QKI: variants seen among roughly 807,000 people sequenced by gnomAD.
The protein encoded by QKI is QKI, KH domain containing RNA binding, also known as KH domain-containing RNA-binding protein QKI.
QKI carries 10 observed loss-of-function variants against 39.0 expected under a neutral mutation model. That is an observed-to-expected ratio of 0.26 (90% CI 0.16 to 0.43). The LOEUF (loss-of-function observed/expected upper bound fraction) is 0.43. QKI is among the 20% of genes least tolerant of loss of function. The pLI is 1.00. For synonymous variants in QKI, 204 were observed against 155.4 expected (o/e 1.31, Z -2.33); for missense variants, 218 against 428.0 (o/e 0.51, Z 4.33).
intron 7 of QKI, 115 bp downstream of exon 7, chr6:163,566,910 C>A: frequency 6.8e-7 from 1 of 1,466,376 alleles, no homozygotes; most frequent in East Asian, 2.6e-5. Flanking sequence ...GTTTTTTTTC[C>A]TTTTCTAAAT....
At position 163,534,968 on chromosome 6, in the gene QKI, T is replaced by G; in HGVS notation, c.403-14T>G. ...AGAGAATAATTTTAATCATGTACTC[T>G]GTAAATTTTTTAGGAGGAGCAAAAT... On this transcript the variant is annotated splice_polypyrimidine_tract_variant and intron_variant, in intron 3 of 7. Coordinates refer to ENST00000361752, the MANE Select transcript of QKI (RefSeq NM_006775.3). 6.3e-7 allele frequency: 1 copy of G among 1,585,242 alleles called. No individual in the cohort carries two copies. Among genetic ancestry groups the G allele is most frequent in the Non-Finnish European group, 8.6e-7 (1 of 1,165,746 alleles).
chr6:163,491,976 A>G (rs866013033), intron 3 of QKI, among the ~76,000 whole-genome samples: 1 of 152,230 alleles, frequency 6.6e-6, no homozygotes, highest in African/African-American at 2.4e-5. Flanking sequence ...AGATGCTCTT[A>G]ATGAGCCTTT....
chr6:163,540,102 T>C (rs901738719), intron 4 of QKI, among the ~76,000 whole-genome samples: 2 of 150,862 alleles, frequency 1.3e-5, no homozygotes, highest in Non-Finnish European at 3.0e-5. Flanking sequence ...AAAGAATGAA[T>C]AAGTTCTTTT....
At chr6:163,429,493 T>C (rs1666003500) in intron 1 of QKI, among the ~76,000 whole-genome samples, 1 of 152,218 alleles carries the variant, frequency 6.6e-6, no homozygotes, top group African/African-American at 2.4e-5. Flanking sequence ...CGAGGTATAT[T>C]ATAATTTACT....
chr6:163,555,383 G>T (rs538440495), intron 4 of QKI, among the ~76,000 whole-genome samples: 1 of 152,016 alleles, frequency 6.6e-6, no homozygotes, highest in Non-Finnish European at 1.5e-5. Context: ...AGCAAGACCA[G>T]TATGCGTGAG....
At chr6:163,432,717 T>C (rs1354863526) in intron 1 of QKI, among the ~76,000 whole-genome samples, 1 of 151,028 alleles carries the variant, frequency 6.6e-6, no homozygotes, top group African/African-American at 2.4e-5. Context: ...CACTTTGTTA[T>C]AGATCTGAGT....
chr6:163,467,629 A>G (rs1179598389), intron 2 of QKI, among the ~76,000 whole-genome samples: 2 of 152,214 alleles, frequency 1.3e-5, no homozygotes, highest in Non-Finnish European at 2.9e-5. Context: ...GGTTTTGCCA[A>G]ATGTTTCCTG....
chr6:163,422,421 T>C (rs965478559), intron 1 of QKI, among the ~76,000 whole-genome samples: 50 of 152,150 alleles, frequency 3.3e-4, no homozygotes, highest in African/African-American at 1.1e-3. Context: ...TAAGCAGATA[T>C]TGAAGTATCG....
At chr6:163,511,509 TAGG>T (rs1309207373) in intron 3 of QKI, among the ~76,000 whole-genome samples, 1 of 151,976 alleles carries the variant, frequency 6.6e-6, no homozygotes, top group African/African-American at 2.4e-5. Context: ...TTTAATAAAA[TAGG>T]AGACATCACT....
chr6:163,544,717 T>C lies in QKI; in HGVS notation c.546+9592T>C, dbSNP rs116404006. Among the ~76,000 whole-genome samples the C allele has an allele frequency of 7.6e-3, 1,159 of 152,188 alleles. 13 individuals are homozygous for C. Among genetic ancestry groups the C allele is most frequent in the African/African-American group, 0.026 (1,080 of 41,526 alleles). ...TCTTAACATTGTCAAGCCATTAGGG[T>C]ACAGTTTCATTAAGCAAATAATAAT... On this transcript the variant is annotated intron_variant, in intron 4 of 7. Coordinates refer to ENST00000361752, the MANE Select transcript of QKI (RefSeq NM_006775.3).
chr6:163,447,249 A>ATTTTT (rs4038332), intron 1 of QKI, among the ~76,000 whole-genome samples: 11 of 120,188 alleles, frequency 9.2e-5, no homozygotes, highest in East Asian at 2.6e-4. Flanking sequence ...GGTGCACGTG[A>ATTTTT]TTTTTTTTTT....
At chr6:163,492,352 C>T (rs1778108843) in intron 3 of QKI, among the ~76,000 whole-genome samples, 1 of 152,112 alleles carries the variant, frequency 6.6e-6, no homozygotes, top group South Asian at 2.1e-4. Flanking sequence ...TAATTGTTAA[C>T]TCTCGATTTT....
Position 163,494,715 on chromosome 6 carries a change from A to T in QKI, c.402+15819A>T, listed in dbSNP as rs374073025. On this transcript the variant is annotated intron_variant, in intron 3 of 7. Transcript: ENST00000361752. ...TTTTTGTGTTTTTTGACTGTTTATT[A>T]TGATTTTGCTGTTTAAAATGTCCCT... Among the ~76,000 whole-genome samples, 53 of 150,378 alleles carry T rather than the reference A, an allele frequency of 3.5e-4. 1 individual carries two copies. The East Asian group carries it at 0.01, about 29-fold the overall frequency.
At chr6:163,419,506 T>C (rs577342901) in intron 1 of QKI, among the ~76,000 whole-genome samples, 13 of 152,280 alleles carry the variant, frequency 8.5e-5, no homozygotes, top group East Asian at 5.8e-4. Context: ...GAAACTAAGA[T>C]ATTGCTTTTG....
In QKI at chr6:163,439,330, G is replaced by GT. The variant is rs200238041; in HGVS notation, c.143-15940dup. On this transcript the variant is annotated intron_variant, in intron 1 of 7. Transcript: ENST00000361752. ...TTTCGCTCTAGAATAATCCTTCGTG[G>GT]TTTTTTTTTGTTTTTTTTTTTTTTC... Among the ~76,000 whole-genome samples the GT allele has an allele frequency of 8.1e-3, 978 of 120,256 alleles. 16 individuals are homozygous for GT. Among genetic ancestry groups the GT allele is most frequent in the African/African-American group, 0.019 (564 of 30,236 alleles). The allele number at this position is 120,256 out of a possible 152,430, so 78.9% of individuals were successfully genotyped here. A position where few individuals can be genotyped will look rare whatever the true frequency, so the allele number is the denominator to read the frequency against.
At chr6:163,568,848 T>C in intron 7 of QKI, 1 of 985,788 alleles carries the variant, frequency 1.0e-6, no homozygotes, top group Non-Finnish European at 1.2e-6. Flanking sequence ...AACTGACCTT[T>C]TAGTTGTAAT....
chr6:163,461,065 A>C (rs936860504), intron 2 of QKI, among the ~76,000 whole-genome samples: 19 of 152,334 alleles, frequency 1.2e-4, no homozygotes, highest in African/African-American at 3.8e-4. Flanking sequence ...AATATAGGGC[A>C]TATCTTTATG....
At chr6:163,558,667 G>C (rs1383301790) in intron 4 of QKI, among the ~76,000 whole-genome samples, 1 of 151,986 alleles carries the variant, frequency 6.6e-6, no homozygotes, top group Non-Finnish European at 1.5e-5. Flanking sequence ...CCAAAGTGTT[G>C]GGATTACAGG....
At chr6:163,493,277 C>G (rs1184432845) in intron 3 of QKI, among the ~76,000 whole-genome samples, 1 of 151,984 alleles carries the variant, frequency 6.6e-6, no homozygotes, top group African/African-American at 2.4e-5. Flanking sequence ...ATTACAGGCG[C>G]ATGCCACCAC....
Sources: allele counts gnomAD v4.1 joint callset (sites outside exome capture counted in the v4.1 genomes callset), GRCh38; gene constraint gnomAD v4.1.1; transcripts MANE v1.5; gene names NCBI Gene and HGNC (gene_info 2026-07-23, HGNC 2026-07-21).